Variants in LUC7L2 observed in about 807,000 individuals in gnomAD.
The protein encoded by LUC7L2 is LUC7 like 2, pre-mRNA splicing factor.
A neutral mutation model predicts 52.8 loss-of-function variants in LUC7L2; 25 were observed. The observed-to-expected ratio is 0.47, with a 90% CI of 0.34 to 0.66. The LOEUF (loss-of-function observed/expected upper bound fraction) is 0.66, where lower values mean the gene tolerates loss of function less well. Among genes scored for constraint, LUC7L2 ranks in the 30% least tolerant of loss-of-function variants. LUC7L2 has a pLI of 0.01. For missense variants in LUC7L2, 328 were observed against 497.8 expected, an observed-to-expected ratio of 0.66 and a Z score of 3.25; for synonymous variants, 144 against 160.9, an observed-to-expected ratio of 0.89 and a Z score of 0.80.
upstream of LUC7L2, chr7:139,358,925 CCT>C (rs1390593263): frequency 9.2e-5 from 14 of 152,346 alleles, no homozygotes; most frequent in African/African-American, 3.1e-4. Context: ...AGGCAATCCA[CCT>C]CCCTTGGCCT....
chr7:139,352,915 C>T lies in LUC7L2; in HGVS notation c.-26+12398C>T, dbSNP rs557808734. On this transcript the variant is annotated intron_variant, in intron 1 of 10. Coordinates refer to the LUC7L2 transcript ENST00000541170. The stretch of plus-strand genomic sequence containing the variant: ...TTTTAAAATCTACATTAATAGGCAC[C>T]GGCCGGGCACGGTGGCTCATGCTTG... Among the ~76,000 whole-genome samples, 4 of 152,164 alleles carry T rather than the reference C, an allele frequency of 2.6e-5. No individual in the cohort carries two copies. The South Asian group carries it at 6.2e-4, about 24-fold the overall frequency.
intron 5 of LUC7L2, among the ~76,000 whole-genome samples, chr7:139,406,311 C>T (rs1348153641): frequency 4.0e-5 from 6 of 151,274 alleles, no homozygotes; most frequent in African/African-American, 1.5e-4. Flanking sequence ...CTCGGCCTCC[C>T]AAAGTGCTAG....
chr7:139,380,143 C>T (rs900712254), intron 2 of LUC7L2, among the ~76,000 whole-genome samples: 4 of 152,070 alleles, frequency 2.6e-5, no homozygotes, highest in African/African-American at 9.7e-5. Flanking sequence ...CACACCACTG[C>T]ACTCCAGTCT....
rs1795935918 is a variant in LUC7L2, at chr7:139,422,165, C to A, written c.1004C>A (p.Ser335Tyr). 2 of 1,588,556 alleles carry A rather than the reference C, an allele frequency of 1.3e-6. No homozygotes were observed. Among genetic ancestry groups the A allele is most frequent in the East Asian group, 2.2e-5 (1 of 44,734 alleles). ...DRSRERSKRR[S>Y]SKERFRDQDL... is the part of the protein sequence containing the mutation. ...CTCCTCAAATTAATATTTTTCAGAT[C>A]CTCAAAAGAAAGATTCAGAGACCAA... is the stretch of plus-strand genomic sequence containing the variant. Residue 335 changes from serine (S) to tyrosine (Y), a missense_variant and splice_region_variant, in exon 10 of 10, where the codon TCC (serine) becomes TAC (tyrosine). By Grantham distance (144) the Ser-to-Tyr change is moderately radical. Transcript: ENST00000354926.
chr7:139,375,817 C>A, intron 1 of LUC7L2: 1 of 376,584 alleles, frequency 2.7e-6, no homozygotes, highest in Admixed American at 4.5e-5. Context: ...TTCTGAAGTA[C>A]TCTATTTAAC....
At chr7:139,366,668 C>T (rs1339234270) in intron 1 of LUC7L2, among the ~76,000 whole-genome samples, 3 of 152,136 alleles carry the variant, frequency 2.0e-5, no homozygotes, top group African/African-American at 7.2e-5. Context: ...TCATATGGCC[C>T]GCAAACCGAA....
At chr7:139,391,554 CCT>C (rs147704590) in intron 2 of LUC7L2, among the ~76,000 whole-genome samples, 2,722 of 152,142 alleles carry the variant, frequency 0.018, 82 homozygotes, top group African/African-American at 0.062. Context: ...TTTTCACATG[CCT>C]CTCAATTTTT....
chr7:139,398,441 A>G (rs911676844), intron 2 of LUC7L2, among the ~76,000 whole-genome samples, 158 bp from the exon 3 acceptor site: 4 of 152,266 alleles, frequency 2.6e-5, no homozygotes, highest in African/African-American at 9.6e-5. Flanking sequence ...TTCTGACACC[A>G]CGTTTTATAT....
intron 7 of LUC7L2, among the ~76,000 whole-genome samples, chr7:139,410,993 T>C (rs549212588): frequency 6.6e-6 from 1 of 152,336 alleles, no homozygotes; most frequent in Non-Finnish European, 1.5e-5. Flanking sequence ...CTCAGAGCTT[T>C]TATCTACTTG....
At chr7:139,374,817 T>C in intron 1 of LUC7L2, 4 of 1,089,354 alleles carry the variant, frequency 3.7e-6, no homozygotes, top group Non-Finnish European at 4.5e-6. Flanking sequence ...TGAATTTAAG[T>C]TAAGCTCTTT....
intron 1 of LUC7L2, among the ~76,000 whole-genome samples, chr7:139,354,619 C>G (rs1278382297): frequency 6.6e-6 from 1 of 152,156 alleles, no homozygotes; most frequent in Non-Finnish European, 1.5e-5. Context: ...GCCTTGGCCT[C>G]CCAAAGTGCT....
chr7:139,369,319 A>G (rs930948174), intron 1 of LUC7L2, among the ~76,000 whole-genome samples: 2 of 152,198 alleles, frequency 1.3e-5, no homozygotes, highest in African/African-American at 2.4e-5. Context: ...AATAAATTCT[A>G]TATAACCTAT....
chr7:139,413,470 TTTG>T (rs563984841), intron 8 of LUC7L2, among the ~76,000 whole-genome samples: 227 of 152,326 alleles, frequency 1.5e-3, no homozygotes, highest in African/African-American at 5.1e-3. Context: ...AAGTAGAGAA[TTTG>T]TTGTTATGAA....
intron 2 of LUC7L2, among the ~76,000 whole-genome samples, chr7:139,383,792 GGT>G (rs138924469): frequency 0.38 from 55,795 of 147,396 alleles, 14,800 homozygotes; most frequent in African/African-American, 0.76. Flanking sequence ...GGAGTGCAGT[GGT>G]GTGATCTCGG....
chr7:139,367,050 C>G (rs1330429261), intron 1 of LUC7L2, among the ~76,000 whole-genome samples: 1 of 152,086 alleles, frequency 6.6e-6, no homozygotes, highest in Non-Finnish European at 1.5e-5. Context: ...GATCTTGGCT[C>G]ACTGCAACCT....
intron 1 of LUC7L2, among the ~76,000 whole-genome samples, chr7:139,367,708 C>T (rs1280325618): frequency 6.6e-6 from 1 of 152,150 alleles, no homozygotes; most frequent in African/African-American, 2.4e-5. Context: ...AATGACTGGA[C>T]AGAAATACAA....
At chr7:139,391,584 T>A (rs190369426) in intron 2 of LUC7L2, among the ~76,000 whole-genome samples, 1 of 152,120 alleles carries the variant, frequency 6.6e-6, no homozygotes, top group Non-Finnish European at 1.5e-5. Flanking sequence ...AAAATTAAAT[T>A]GGCTTCTTTT....
At chr7:139,388,663 C>G (rs1022780622) in intron 2 of LUC7L2, among the ~76,000 whole-genome samples, 43 of 150,046 alleles carry the variant, frequency 2.9e-4, no homozygotes, top group African/African-American at 1.0e-3. Flanking sequence ...ATACTAGATG[C>G]TGCTACTTAG....
intron 2 of LUC7L2, among the ~76,000 whole-genome samples, chr7:139,387,964 C>G (rs1280006504): frequency 2.0e-5 from 3 of 152,098 alleles, no homozygotes; most frequent in Admixed American, 1.3e-4. Flanking sequence ...TCGTCTCACT[C>G]CTTTCTTTCC....
Sources: gnomAD v4.1 joint callset for allele counts (sites outside exome capture counted in the v4.1 genomes callset) on GRCh38, gnomAD v4.1.1 for gene constraint, MANE v1.5 for transcripts, NCBI Gene and HGNC (gene_info 2026-07-23, HGNC 2026-07-21) for gene names.